BDP1: variants seen among roughly 807,000 people sequenced by gnomAD.
BDP1 encodes the protein transcription factor TFIIIB component B'' homolog.
Under a neutral mutation model 266.6 loss-of-function variants are expected in BDP1, and 169 were observed. The observed-to-expected ratio is 0.63, with a 90% CI of 0.56 to 0.72. BDP1 has a LOEUF of 0.72. Among genes scored for constraint, BDP1 ranks in the 30% least tolerant of loss-of-function variants. BDP1 has a pLI of 0.00. For synonymous variants in BDP1, 1,090 were observed against 1,022.4 expected (o/e 1.07, Z -1.26); for missense variants, 3,015 against 3,053.8 (o/e 0.99, Z 0.30).
In BDP1 at chr5:71,522,349, G is replaced by C; in HGVS notation, c.5052G>C (p.Lys1684Asn). ...AAATGACAAGAAGGAAATTCCAAAA[G>C]GCTAAGCCAAATTTGGGAAGAGCAC... ...SAQMTRRKFQ[K>N]AKPNLGRAHS... Residue 1684 changes from lysine (K) to asparagine (N), a missense_variant, in exon 23 of 39, where the codon AAG becomes AAC. Coordinates refer to ENST00000358731, the MANE Select transcript of BDP1 (RefSeq NM_018429.3). The C allele has an allele frequency of 6.2e-7, 1 of 1,613,896 alleles. No homozygotes were observed. The highest frequency in any genetic ancestry group is 8.5e-7 in the Non-Finnish European group (1 of 1,179,938).
At chr5:71,552,590 G>T (rs1349564248) in intron 34 of BDP1, among the ~76,000 whole-genome samples, 1 of 152,242 alleles carries the variant, frequency 6.6e-6, no homozygotes. Context: ...GGCCGAGGCC[G>T]GCGGATCACT....
In BDP1 at chr5:71,524,274, T is replaced by TC; in HGVS notation, c.5724dup (p.Arg1909GlnfsTer4). ...GCTCCAGTATTTGTACCTGTTGGTC[T>TC]CAGATCTCCTGAACCTGTTTCTGCT... On this transcript the variant is annotated frameshift_variant, in exon 25 of 39. Transcript: ENST00000358731. LOFTEE classifies it high-confidence loss of function. 1 of 1,609,420 alleles carries TC rather than the reference T, an allele frequency of 6.2e-7. No individual in the cohort carries two copies. Among genetic ancestry groups the TC allele is most frequent in the Non-Finnish European group, 8.5e-7 (1 of 1,175,882 alleles).
rs762105326 is a variant in BDP1, at chr5:71,509,707, C to T, written c.2615C>T (p.Ser872Leu). ...PAEINTKEMQ[S>L]DLKETGRRAI... ...GAGATTAATACTAAAGAAATGCAGTCAGATTTAAAAGAAACTGGAAGAAGA... is the reference window on the plus strand; with the variant it reads ...GAGATTAATACTAAAGAAATGCAGTTAGATTTAAAAGAAACTGGAAGAAGA... The change falls in exon 17 of 39, where the codon TCA (serine) becomes TTA (leucine). Residue 872 changes from serine to leucine, a missense_variant. This residue lies in a region of BDP1 where 2,383 missense variants were observed against 2,404.9 expected (regional missense o/e 0.99). Coordinates refer to ENST00000358731, the MANE Select transcript of BDP1 (RefSeq NM_018429.3). 1 of 1,613,706 alleles carries T rather than the reference C, an allele frequency of 6.2e-7. No homozygotes were observed. Among genetic ancestry groups the T allele is most frequent in the Admixed American group, 1.7e-5 (1 of 59,918 alleles).
intron 26 of BDP1, among the ~76,000 whole-genome samples, 195 bp downstream of exon 26, chr5:71,532,622 C>A (rs568993916): frequency 5.3e-5 from 8 of 152,212 alleles, no homozygotes; most frequent in African/African-American, 1.9e-4. Flanking sequence ...CTCTTAATAT[C>A]CTCATAGACT....
rs2111901319 is a variant in BDP1, at chr5:71,548,674, T to C, written c.6745-8T>C. On this transcript the variant is annotated splice_region_variant and splice_polypyrimidine_tract_variant and intron_variant, in intron 32 of 38. Coordinates refer to ENST00000358731, the MANE Select transcript of BDP1 (RefSeq NM_018429.3). ...ACCTGACTCTTTCATTTTAATTTTT[T>C]ATGGCAGTATACACCAACAAGTATT... The C allele has an allele frequency of 6.3e-7, 1 of 1,588,226 alleles. No individual in the cohort carries two copies. Among genetic ancestry groups the C allele is most frequent in the Non-Finnish European group, 8.6e-7 (1 of 1,160,008 alleles).
At position 71,486,506 on chromosome 5, in the gene BDP1, C is replaced by A; in HGVS notation, c.1092C>A (p.Phe364Leu). Reference protein sequence around the residue: ...KAFQEKRPFDFDFFAHLLQKV... With the variant: ...KAFQEKRPFDLDFFAHLLQKV... The stretch of plus-strand genomic sequence containing the variant: ...CAGAGGAAAAGCGCCCTTTTGACTT[C>A]GATTTTTTTGCTCATTTGCTTCAGA... The change falls in exon 9 of 39, where the codon TTC becomes TTA. Residue 364 changes from phenylalanine to leucine, a missense_variant. Coordinates refer to ENST00000358731, the MANE Select transcript of BDP1 (RefSeq NM_018429.3). The A allele has an allele frequency of 1.3e-6, 2 of 1,535,720 alleles. No homozygotes were observed. Among genetic ancestry groups the A allele is most frequent in the Non-Finnish European group, 1.7e-6 (2 of 1,154,778 alleles).
chr5:71,506,431 A>G (rs1764580264), intron 16 of BDP1, among the ~76,000 whole-genome samples: 1 of 152,140 alleles, frequency 6.6e-6, no homozygotes, highest in South Asian at 2.1e-4. Flanking sequence ...TGGCCTGTTC[A>G]AGATGCTATG....
chr5:71,483,690 C>A, intron 7 of BDP1, 152 bp from the exon 8 acceptor site: 3 of 589,162 alleles, frequency 5.1e-6, no homozygotes, highest in Non-Finnish European at 9.0e-6. Flanking sequence ...TTTAAAAAGC[C>A]GAAGGTTTAA....
At chr5:71,559,833 A>G (rs1008689623) in intron 36 of BDP1, 149 bp from the exon 37 acceptor site, 2 of 730,256 alleles carry the variant, frequency 2.7e-6, no homozygotes, top group African/African-American at 3.6e-5. Context: ...ATTCTTAATA[A>G]TCCAAGTAAC....
At chr5:71,461,391 G>GAGGAT (rs1275464532) in intron 2 of BDP1, among the ~76,000 whole-genome samples, 3 of 151,558 alleles carry the variant, frequency 2.0e-5, no homozygotes, top group Non-Finnish European at 2.9e-5. Flanking sequence ...GATCACTTGA[G>GAGGAT]CCCAGGAATT....
chr5:71,491,334 T>C (rs1763579197), intron 11 of BDP1, among the ~76,000 whole-genome samples: 1 of 152,228 alleles, frequency 6.6e-6, no homozygotes, highest in Non-Finnish European at 1.5e-5. Context: ...TTTATCATTA[T>C]GTACTATCCT....
At chr5:71,577,101 A>G in the BDP1 span, among the ~76,000 whole-genome samples, 2 of 152,340 alleles carry the variant, frequency 1.3e-5, no homozygotes, top group South Asian at 2.1e-4. Context: ...TGCATTAATC[A>G]TAGCACATTG....
At position 71,455,848 on chromosome 5, in the gene BDP1, G is replaced by A; in HGVS notation, c.-30G>A. 2 of 1,541,966 alleles carry A rather than the reference G, an allele frequency of 1.3e-6. No individual in the cohort carries two copies. The highest frequency in any genetic ancestry group is 1.8e-6 in the Non-Finnish European group (2 of 1,142,120). ...GGCTCGGGGCTGTGAGCGGCCGTGAGGCTGCCTCCCCGGGCCCCCTGCCTC... is the reference window on the plus strand; with the variant it reads ...GGCTCGGGGCTGTGAGCGGCCGTGAAGCTGCCTCCCCGGGCCCCCTGCCTC... On this transcript the variant is annotated 5_prime_UTR_variant, in exon 1 of 39. Coordinates refer to ENST00000358731, the MANE Select transcript of BDP1 (RefSeq NM_018429.3).
Position 71,539,048 on chromosome 5 carries a change from A to G in BDP1, c.5899A>G (p.Thr1967Ala), listed in dbSNP as rs779265844. The change falls in exon 27 of 39, where the codon ACC (threonine) becomes GCC (alanine). Residue 1967 changes from threonine to alanine, a missense_variant. Coordinates refer to ENST00000358731, the MANE Select transcript of BDP1 (RefSeq NM_018429.3). ...TTATTTTTTTCCTTTTTAGGAAATG[A>G]CCACAAGTGAACATATCCAAGATGA... Reference protein sequence around the residue: ...EENLSVPFEMTTSEHIQDEPG... With the variant: ...EENLSVPFEMATSEHIQDEPG... The G allele has an allele frequency of 2.5e-6, 4 of 1,601,478 alleles. No homozygotes were observed. In the South Asian group the frequency reaches 4.5e-5, roughly 18 times the overall value.
chr5:71,551,983 G>A (rs1391583137), intron 34 of BDP1, among the ~76,000 whole-genome samples: 2 of 147,128 alleles, frequency 1.4e-5, no homozygotes, highest in African/African-American at 5.0e-5. Flanking sequence ...CGGACGGGGC[G>A]GCTGGCCTGG....
At position 71,510,074 on chromosome 5, in the gene BDP1, A is replaced by G; in HGVS notation, c.2982A>G (p.Pro994=). 1 of 1,613,634 alleles carries G rather than the reference A, an allele frequency of 6.2e-7. No homozygotes were observed. Among genetic ancestry groups the G allele is most frequent in the Admixed American group, 1.7e-5 (1 of 59,974 alleles). ...LEETGRRKIS[P]RENGPEEVKP... Reference sequence around the variant, plus strand: ...AAACTGGAAGAAGAAAAATATCCCCAAGGGAAAATGGCCCAGAGGAGGTCA... The same window carrying G: ...AAACTGGAAGAAGAAAAATATCCCCGAGGGAAAATGGCCCAGAGGAGGTCA... Residue 994 remains proline, a synonymous_variant, in exon 17 of 39, where the codon CCA becomes CCG. Transcript: ENST00000358731.
Position 71,539,568 on chromosome 5 carries a change from G to A in BDP1, c.5941G>A (p.Gly1981Arg), listed in dbSNP as rs1355373863. 5 of 1,608,768 alleles carry A rather than the reference G, an allele frequency of 3.1e-6. No individual in the cohort carries two copies. The African/African-American group carries it at 4.1e-5, about 13-fold the overall frequency. ...TATTTCCTCACAAGGTACCAATGAT[G>A]GAAGCACCGAAGCTGCAATAACTTT... Reference protein sequence around the residue: ...HIQDEPGTNDGSTEAAITLLT... With the variant: ...HIQDEPGTNDRSTEAAITLLT... Residue 1981 changes from glycine (G) to arginine (R), a missense_variant, in exon 28 of 39, where the codon GGA (glycine) becomes AGA (arginine). By Grantham distance (125) the Gly-to-Arg change is moderately radical. This residue lies in a region of BDP1 where 2,383 missense variants were observed against 2,404.9 expected (regional missense o/e 0.99). Transcript: ENST00000358731.
At chr5:71,564,720 T>TTTTTTTACC in intron 38 of BDP1, 34 bp from the exon 39 acceptor site, 1 of 1,546,118 alleles carries the variant, frequency 6.5e-7, no homozygotes, top group Non-Finnish European at 8.8e-7. Context: ...TGTATTACAG[T>TTTTTTTACC]TTTATTTTTA....
In BDP1 at chr5:71,495,320, G is replaced by A. The variant is rs778000415; in HGVS notation, c.1711G>A (p.Glu571Lys). The change falls in exon 12 of 39, where the codon GAA becomes AAA. Residue 571 changes from glutamate to lysine, a missense_variant. This residue lies in a region of BDP1 where 2,383 missense variants were observed against 2,404.9 expected (regional missense o/e 0.99). Coordinates refer to ENST00000358731, the MANE Select transcript of BDP1 (RefSeq NM_018429.3). ...AAGCACTTCAGATTTGCCTTCATTCGAAGTTGGAATTAGAGCATTGTGTGA... is the reference window on the plus strand; with the variant it reads ...AAGCACTTCAGATTTGCCTTCATTCAAAGTTGGAATTAGAGCATTGTGTGA... ...ESSTSDLPSF[E>K]VGIRALCEVN... 9 of 1,607,230 alleles carry A rather than the reference G, an allele frequency of 5.6e-6. No homozygotes were observed. Among genetic ancestry groups the A allele is most frequent in the Admixed American group, 3.3e-5 (2 of 59,728 alleles).
Sources: allele counts gnomAD v4.1 joint callset (sites outside exome capture counted in the v4.1 genomes callset), GRCh38; gene constraint gnomAD v4.1.1; regional missense constraint gnomAD v4.1.1; transcripts MANE v1.5; gene names NCBI Gene and HGNC (gene_info 2026-07-23, HGNC 2026-07-21).